CBX5: variants seen among roughly 807,000 people sequenced by gnomAD.
CBX5 encodes the protein chromobox protein homolog 5.
CBX5 carries 7 observed loss-of-function variants against 20.7 expected under a neutral mutation model. That is an observed-to-expected ratio of 0.34 (90% CI 0.19 to 0.63). The LOEUF is 0.63. Among genes scored for constraint, CBX5 ranks in the 30% least tolerant of loss-of-function variants. The pLI is 0.75. For synonymous variants in CBX5, 78 were observed against 77.0 expected, an observed-to-expected ratio of 1.01 and a Z score of -0.07; for missense variants, 110 against 224.1, an observed-to-expected ratio of 0.49 and a Z score of 3.25.
At position 54,238,386 on chromosome 12, in the gene CBX5, G is replaced by A. The variant is rs1040358684; in HGVS notation, c.*3369C>T. On this transcript the variant is annotated 3_prime_UTR_variant, in exon 5 of 5. Coordinates refer to ENST00000209875, the MANE Select transcript of CBX5 (RefSeq NM_012117.3). ...TAGAAGAGTCTCCTGAAAAATATCC[G>A]TATTTGAAAAGGCAGCAGGAGTTGA... 1.3e-5 allele frequency: 2 copies of A among 152,026 alleles called. No individual in the cohort carries two copies. Among genetic ancestry groups the A allele is most frequent in the African/African-American group, 4.8e-5 (2 of 41,384 alleles). 9.4% of individuals were successfully genotyped at this position (152,026 alleles called of 1,614,324 possible).
Position 54,232,451 on chromosome 12 carries a change from T to C in CBX5, c.*9304A>G, listed in dbSNP as rs1234831232. The C allele has an allele frequency of 6.6e-6, 1 of 152,096 alleles. No individual in the cohort carries two copies. Among genetic ancestry groups the C allele is most frequent in the African/African-American group, 2.4e-5 (1 of 41,380 alleles). 9.4% of individuals were successfully genotyped at this position (152,096 alleles called of 1,614,324 possible). A position where few individuals can be genotyped will look rare whatever the true frequency, so the allele number is the denominator to read the frequency against. On this transcript the variant is annotated 3_prime_UTR_variant, in exon 5 of 5. Coordinates refer to ENST00000209875, the MANE Select transcript of CBX5 (RefSeq NM_012117.3). ...GCCTCACAACAACACCCCTGTGAGG[T>C]AGGTCAGTATTATTAACCCCATTTG...
intron 3 of CBX5, among the ~76,000 whole-genome samples, chr12:54,249,896 A>C (rs1471150974): frequency 2.0e-5 from 3 of 152,072 alleles, no homozygotes; most frequent in Non-Finnish European, 4.4e-5. Context: ...ATAGATCAAG[A>C]GAATATAAAT....
chr12:54,263,909 G>A (rs1190443974), intron 1 of CBX5, among the ~76,000 whole-genome samples: 2 of 151,928 alleles, frequency 1.3e-5, no homozygotes, highest in Admixed American at 1.3e-4. Flanking sequence ...CAGATGTGGT[G>A]GCGGGAGCCT....
chr12:54,239,686 C>G lies in CBX5; in HGVS notation c.*2069G>C, dbSNP rs1183137847. On this transcript the variant is annotated 3_prime_UTR_variant, in exon 5 of 5. Transcript: ENST00000209875. Reference sequence around the variant, plus strand: ...AATATAGAGATAAAACTCCCACCCACTTGAGGTATGGTTTATGAGCTCTTG... The same window carrying G: ...AATATAGAGATAAAACTCCCACCCAGTTGAGGTATGGTTTATGAGCTCTTG... 2 of 152,190 alleles carry G rather than the reference C, an allele frequency of 1.3e-5. No individual in the cohort carries two copies. The highest frequency in any genetic ancestry group is 2.9e-5 in the Non-Finnish European group (2 of 68,040). The allele number at this position is 152,190 out of a possible 1,614,324, so 9.4% of individuals were successfully genotyped here. A position where few individuals can be genotyped will look rare whatever the true frequency, so the allele number is the denominator to read the frequency against.
chr12:54,248,484 G>A (rs1460978945), intron 3 of CBX5, among the ~76,000 whole-genome samples: 2 of 152,118 alleles, frequency 1.3e-5, no homozygotes, highest in Non-Finnish European at 2.9e-5. Context: ...GGGTCCGGGT[G>A]GTCCCCAAAG....
At position 54,239,035 on chromosome 12, in the gene CBX5, T is replaced by A. The variant is rs1943650742; in HGVS notation, c.*2720A>T. 6.6e-6 allele frequency: 1 copy of A among 152,196 alleles called. No homozygotes were observed. Among genetic ancestry groups the A allele is most frequent in the African/African-American group, 2.4e-5 (1 of 41,446 alleles). The allele number at this position is 152,196 out of a possible 1,614,324, so 9.4% of individuals were successfully genotyped here. ...CACTAACAAATGCTGGAAGCAGGCATCTGATTTCCTTTGTGCTAAGGGCTG... is the reference window on the plus strand; with the variant it reads ...CACTAACAAATGCTGGAAGCAGGCAACTGATTTCCTTTGTGCTAAGGGCTG... On this transcript the variant is annotated 3_prime_UTR_variant, in exon 5 of 5. Transcript: ENST00000209875.
intron 3 of CBX5, among the ~76,000 whole-genome samples, chr12:54,247,947 T>C (rs1185727212): frequency 6.6e-6 from 1 of 151,922 alleles, no homozygotes; most frequent in East Asian, 1.9e-4. Context: ...TTCAAGCGAT[T>C]CTCCTGCCTT....
At chr12:54,247,590 T>C (rs1943749081) in intron 3 of CBX5, among the ~76,000 whole-genome samples, 1 of 152,180 alleles carries the variant, frequency 6.6e-6, no homozygotes, top group Non-Finnish European at 1.5e-5. Context: ...GGTCTAAATG[T>C]AGTAATACAA....
intron 3 of CBX5, among the ~76,000 whole-genome samples, chr12:54,251,459 C>T (rs1288368143): frequency 7.0e-6 from 1 of 142,212 alleles, no homozygotes; most frequent in East Asian, 2.1e-4. Flanking sequence ...GCAGAGCTTG[C>T]AGTGAGCCAA....
rs1323136154 is a variant in CBX5, at chr12:54,236,313, T to G, written c.*5442A>C. On this transcript the variant is annotated 3_prime_UTR_variant, in exon 5 of 5. Transcript: ENST00000209875. ...AGTTCATCATACACCAGTATGAAAGTTATTTGAGGGCAGGGATGGCCTCTT... is the reference window on the plus strand; with the variant it reads ...AGTTCATCATACACCAGTATGAAAGGTATTTGAGGGCAGGGATGGCCTCTT... The G allele has an allele frequency of 3.5e-5, 5 of 142,070 alleles. No individual in the cohort carries two copies. The highest frequency in any genetic ancestry group is 2.5e-5 in the African/African-American group (1 of 40,600). The allele number at this position is 142,070 out of a possible 1,614,324, so 8.8% of individuals were successfully genotyped here.
At chr12:54,251,619 AGATTG>A (rs1349303303) in intron 3 of CBX5, among the ~76,000 whole-genome samples, 1 of 151,914 alleles carries the variant, frequency 6.6e-6, no homozygotes, top group African/African-American at 2.4e-5. Flanking sequence ...CGGGAGTTGG[AGATTG>A]CAGTGAGCTG....
intron 1 of CBX5, among the ~76,000 whole-genome samples, chr12:54,277,358 C>T (rs1944079858): frequency 6.6e-6 from 1 of 152,210 alleles, no homozygotes; most frequent in Non-Finnish European, 1.5e-5. Context: ...CACCCGCCAC[C>T]ACACCTGGCT....
chr12:54,241,841 CA>C lies in CBX5; in HGVS notation c.489del (p.Ile163MetfsTer2). The C allele has an allele frequency of 6.2e-7, 1 of 1,613,940 alleles. No homozygotes were observed. The highest frequency in any genetic ancestry group is 8.5e-7 in the Non-Finnish European group (1 of 1,179,956). On this transcript the variant is annotated frameshift_variant, in exon 5 of 5. Transcript: ENST00000209875. LOFTEE classifies it high-confidence loss of function. ...AGTCTCTCTTCATAAAATGCTATCA[CA>C]ATTTGTGGACATTTCACATTAGCTT... is the stretch of plus-strand genomic sequence containing the variant. Reference protein sequence around the residue: ...AKEANVKCPQIVIAFYEERLT... With the variant: ...AKEANVKCPQXVIAFYEERLT...
At chr12:54,274,846 A>G (rs2137033069) in intron 1 of CBX5, among the ~76,000 whole-genome samples, 1 of 152,140 alleles carries the variant, frequency 6.6e-6, no homozygotes, top group Non-Finnish European at 1.5e-5. Flanking sequence ...AGGCTGAGGC[A>G]GGAGGATCGC....
chr12:54,274,493 A>C (rs778295512), intron 1 of CBX5, among the ~76,000 whole-genome samples: 4 of 152,242 alleles, frequency 2.6e-5, no homozygotes, highest in Non-Finnish European at 4.4e-5. Flanking sequence ...CAATATCCAT[A>C]ACACAGCTTT....
chr12:54,254,397 C>T (rs1457742058), intron 2 of CBX5, among the ~76,000 whole-genome samples: 1 of 150,588 alleles, frequency 6.6e-6, no homozygotes, highest in Non-Finnish European at 1.5e-5. Flanking sequence ...CCATAATAAC[C>T]TGACTCAAGT....
intron 3 of CBX5, among the ~76,000 whole-genome samples, chr12:54,250,788 T>A (rs11616073): frequency 8.3e-6 from 1 of 120,218 alleles, no homozygotes; most frequent in Admixed American, 9.5e-5. Context: ...GTCCGGCCTG[T>A]GCGACAGAGC....
At chr12:54,274,404 G>A (rs187486727) in intron 1 of CBX5, 13 of 152,260 alleles carry the variant, frequency 8.5e-5, no homozygotes, top group South Asian at 8.3e-4. Context: ...CCCAGAGTCC[G>A]AGTTCACGAA....
intron 1 of CBX5, among the ~76,000 whole-genome samples, chr12:54,261,186 T>C (rs1274041574): frequency 7.9e-6 from 1 of 126,162 alleles, no homozygotes; most frequent in African/African-American, 3.0e-5. Context: ...AGCGAAACCG[T>C]CTCAAAAAAA....
Sources: gnomAD v4.1 joint callset for allele counts (sites outside exome capture counted in the v4.1 genomes callset) on GRCh38, gnomAD v4.1.1 for gene constraint, MANE v1.5 for transcripts, NCBI Gene and HGNC (gene_info 2026-07-23, HGNC 2026-07-21) for gene names.